ANK2: variants seen among roughly 807,000 people sequenced by gnomAD.
ANK2 encodes ankyrin 2, also known as ankyrin-2.
A neutral mutation model predicts 360.5 loss-of-function variants in ANK2; 83 were observed. The ratio of observed to expected loss-of-function variants is 0.23; its 90% confidence interval spans 0.19 to 0.28. The LOEUF (loss-of-function observed/expected upper bound fraction) is 0.28. Among genes scored for constraint, ANK2 ranks in the 10% least tolerant of loss-of-function variants. The pLI is 1.00. For missense variants in ANK2, 4,201 were observed against 4,795.7 expected, an observed-to-expected ratio of 0.88 and a Z score of 3.66; for synonymous variants, 1,740 against 1,759.5, an observed-to-expected ratio of 0.99 and a Z score of 0.28.
At chr4:112,707,473 A>G in the ANK2 span, among the ~76,000 whole-genome samples, 1 of 152,202 alleles carries the variant, frequency 6.6e-6, no homozygotes, top group African/African-American at 2.4e-5. Context: ...TTTTATGACA[A>G]TGCATTTTTA....
At chr4:113,113,640 C>T (rs540866485) in intron 1 of ANK2, among the ~76,000 whole-genome samples, 3 of 152,120 alleles carry the variant, frequency 2.0e-5, no homozygotes, top group Non-Finnish European at 2.9e-5. Context: ...GCTTTTGTTA[C>T]GAGCTCAAAA....
intron 9 of ANK2, among the ~76,000 whole-genome samples, chr4:113,243,870 T>A (rs1023471009): frequency 9.2e-5 from 14 of 152,164 alleles, no homozygotes; most frequent in African/African-American, 2.4e-4. Flanking sequence ...TGCAAAAAAA[T>A]TTTTATCTTG....
intron 1 of ANK2, among the ~76,000 whole-genome samples, chr4:113,073,291 C>A (rs1472312506): frequency 6.6e-6 from 1 of 152,144 alleles, no homozygotes; most frequent in Non-Finnish European, 1.5e-5. Flanking sequence ...GAGTTTTGCA[C>A]AACACCTGGC....
Position 113,235,159 on chromosome 4 carries a change from T to A in ANK2, c.484-1828T>A, listed in dbSNP as rs527307038. Among the ~76,000 whole-genome samples the A allele has an allele frequency of 5.3e-5, 8 of 152,328 alleles. 1 individual carries two copies. The South Asian group carries it at 1.5e-3, about 28-fold the overall frequency. The stretch of plus-strand genomic sequence containing the variant: ...AGATTAATTTCACACTCTTTTAATA[T>A]AAACTATCACAGTGCTGCAGGAGGT... On this transcript the variant is annotated intron_variant, in intron 5 of 45. Coordinates refer to ENST00000357077, the MANE Select transcript of ANK2 (RefSeq NM_001148.6).
At chr4:112,715,252 A>G in the ANK2 span, among the ~76,000 whole-genome samples, 1 of 152,212 alleles carries the variant, frequency 6.6e-6, no homozygotes. Context: ...CGGCAGAAGT[A>G]AAAGGCATCC....
intron 2 of ANK2, among the ~76,000 whole-genome samples, chr4:112,976,399 G>A (rs1293097636): frequency 1.3e-5 from 2 of 152,042 alleles, no homozygotes; most frequent in African/African-American, 4.8e-5. Flanking sequence ...TCACTGTGTT[G>A]GTCAGGCTGG....
At chr4:112,976,473 G>A (rs1248995549) in intron 2 of ANK2, among the ~76,000 whole-genome samples, 1 of 152,140 alleles carries the variant, frequency 6.6e-6, no homozygotes, top group Non-Finnish European at 1.5e-5. Flanking sequence ...GATTACAGGC[G>A]TGAGCCGTGG....
chr4:113,174,204 T>A, intron 1 of ANK2, among the ~76,000 whole-genome samples: 1 of 152,356 alleles, frequency 6.6e-6, no homozygotes, highest in East Asian at 1.9e-4. Context: ...CTCTAAAATA[T>A]TGACTTTTAA....
intron 1 of ANK2, among the ~76,000 whole-genome samples, chr4:113,064,491 A>G (rs2074838560): frequency 6.6e-6 from 1 of 152,094 alleles, no homozygotes; most frequent in Non-Finnish European, 1.5e-5. Flanking sequence ...GCACATAGCC[A>G]CCTTTTGTTT....
chr4:113,139,343 A>G (rs573628100), intron 1 of ANK2, among the ~76,000 whole-genome samples: 1 of 152,332 alleles, frequency 6.6e-6, no homozygotes, highest in South Asian at 2.1e-4. Flanking sequence ...TGGTTGCCAG[A>G]TGGAAACTTA....
the ANK2 span, among the ~76,000 whole-genome samples, chr4:112,714,744 A>G: frequency 6.6e-6 from 1 of 152,140 alleles, no homozygotes; most frequent in Non-Finnish European, 1.5e-5. Flanking sequence ...ATAAATAGGG[A>G]CTTTAAGCTT....
chr4:113,032,425 C>T (rs1395114), intron 2 of ANK2, among the ~76,000 whole-genome samples: 29,649 of 151,876 alleles, frequency 0.2, 3,404 homozygotes, highest in East Asian at 0.43. Context: ...TTTCCAGTGC[C>T]GGGTGTTCTT....
intron 1 of ANK2, among the ~76,000 whole-genome samples, chr4:113,083,264 G>A (rs192387329): frequency 8.5e-5 from 13 of 152,200 alleles, no homozygotes; most frequent in Non-Finnish European, 1.5e-5. Context: ...CTGTCACCTT[G>A]ATCTTCTGGG....
chr4:113,094,428 A>G (rs1014797722), intron 1 of ANK2, among the ~76,000 whole-genome samples: 1 of 152,204 alleles, frequency 6.6e-6, no homozygotes. Context: ...TACTTATCTG[A>G]AGGGGATATT....
the ANK2 span, among the ~76,000 whole-genome samples, chr4:112,766,205 G>A: frequency 2.0e-5 from 3 of 151,870 alleles, no homozygotes; most frequent in Admixed American, 6.6e-5. Context: ...GGTGGTGCAC[G>A]CCTGTAGTCC....
chr4:113,082,824 T>C (rs1214548614), intron 1 of ANK2, among the ~76,000 whole-genome samples: 1 of 152,222 alleles, frequency 6.6e-6, no homozygotes, highest in Non-Finnish European at 1.5e-5. Context: ...TAACGTTTTA[T>C]ATATTTAGTG....
the ANK2 span, among the ~76,000 whole-genome samples, chr4:112,766,156 A>AC: frequency 0.012 from 1,862 of 151,904 alleles, 17 homozygotes; most frequent in Non-Finnish European, 0.019. Context: ...ATATGGTGAA[A>AC]CCCCATCTCT....
intron 18 of ANK2, among the ~76,000 whole-genome samples, chr4:113,285,730 G>A (rs1470961374): frequency 6.6e-6 from 1 of 152,148 alleles, no homozygotes; most frequent in East Asian, 1.9e-4. Context: ...CAGGATATAG[G>A]ATGGGACTGT....
chr4:113,246,810 T>C (rs1383780458), intron 9 of ANK2, among the ~76,000 whole-genome samples: 1 of 152,182 alleles, frequency 6.6e-6, no homozygotes, highest in Non-Finnish European at 1.5e-5. Context: ...TCTACAAATA[T>C]CATCTTATTT....
Sources: allele counts gnomAD v4.1 joint callset (sites outside exome capture counted in the v4.1 genomes callset), GRCh38; gene constraint gnomAD v4.1.1; transcripts MANE v1.5; gene names NCBI Gene and HGNC (gene_info 2026-07-23, HGNC 2026-07-21).